Variants in RGS21 observed in about 807,000 individuals in gnomAD.
The protein encoded by RGS21 is regulator of G-protein signalling 21.
RGS21 carries 19 observed loss-of-function variants against 18.7 expected under a neutral mutation model. The observed-to-expected ratio is 1.01, with a 90% confidence interval of 0.71 to 1.49. The LOEUF is 1.49. Among genes scored for constraint, RGS21 ranks in the 40% most tolerant of loss-of-function variants. RGS21 has a pLI of 0.00. For missense variants in RGS21, 194 were observed against 176.8 expected (o/e 1.10, Z -0.55); for synonymous variants, 56 against 57.8 (o/e 0.97, Z 0.14).
intron 4 of RGS21, among the ~76,000 whole-genome samples, chr1:192,365,380 A>G (rs1402724296): frequency 1.3e-5 from 2 of 152,118 alleles, no homozygotes; most frequent in Non-Finnish European, 2.9e-5. Flanking sequence ...CAGGGAGATT[A>G]TATGTAGATA....
At chr1:192,322,676 C>G (rs973407126) in intron 1 of RGS21, among the ~76,000 whole-genome samples, 1 of 152,056 alleles carries the variant, frequency 6.6e-6, no homozygotes, top group African/African-American at 2.4e-5. Flanking sequence ...CTAGAGCACA[C>G]CACTCAAACA....
At chr1:192,318,404 C>T (rs1658448504) in intron 1 of RGS21, among the ~76,000 whole-genome samples, 1 of 152,126 alleles carries the variant, frequency 6.6e-6, no homozygotes, top group African/African-American at 2.4e-5. Context: ...CCCCATCAGA[C>T]TGCCTCTAAC....
At chr1:192,329,143 G>A (rs555160990) in intron 1 of RGS21, among the ~76,000 whole-genome samples, 10 of 152,070 alleles carry the variant, frequency 6.6e-5, no homozygotes, top group South Asian at 4.1e-4. Flanking sequence ...CAGATATTAC[G>A]TAGATTTTAG....
intron 2 of RGS21, among the ~76,000 whole-genome samples, chr1:192,344,325 T>C (rs910631106): frequency 1.3e-5 from 2 of 152,084 alleles, no homozygotes; most frequent in Non-Finnish European, 2.9e-5. Context: ...ATTTAAGAAG[T>C]ATGAAATAAC....
chr1:192,329,956 T>G (rs1235516200), intron 1 of RGS21, among the ~76,000 whole-genome samples: 1 of 152,126 alleles, frequency 6.6e-6, no homozygotes. Flanking sequence ...GGTGAAGAGC[T>G]CCCTAAAGGT....
At chr1:192,326,004 T>C (rs1436932429) in intron 1 of RGS21, among the ~76,000 whole-genome samples, 1 of 152,114 alleles carries the variant, frequency 6.6e-6, no homozygotes, top group Non-Finnish European at 1.5e-5. Flanking sequence ...TAGGAATGAT[T>C]TTAATTATTT....
chr1:192,357,222 A>T (rs930499936), intron 4 of RGS21, among the ~76,000 whole-genome samples: 1 of 151,808 alleles, frequency 6.6e-6, no homozygotes, highest in Non-Finnish European at 1.5e-5. Context: ...AGAGAGAAGG[A>T]TAGGAGAGGA....
At chr1:192,333,128 G>T (rs935156391) in intron 1 of RGS21, among the ~76,000 whole-genome samples, 3 of 151,976 alleles carry the variant, frequency 2.0e-5, no homozygotes, top group South Asian at 2.1e-4. Flanking sequence ...TATCACTGCC[G>T]ATCTAGGTAA....
chr1:192,365,948 C>T lies in RGS21; in HGVS notation c.283C>T (p.Leu95Phe). The change falls in exon 5 of 5, where the codon CTC becomes TTC. Residue 95 changes from leucine to phenylalanine, a missense_variant. Coordinates refer to ENST00000417209, the MANE Select transcript of RGS21 (RefSeq NM_001039152.3). ...EINIDFGTRDLISKNIAEPTL... is the reference protein window; with the variant it reads ...EINIDFGTRDFISKNIAEPTL... ...TAACATTGACTTCGGTACCAGAGAC[C>T]TCATCTCAAAGAATATTGCTGAACC... 2 of 1,607,932 alleles carry T rather than the reference C, an allele frequency of 1.2e-6. No homozygotes were observed. The highest frequency in any genetic ancestry group is 2.2e-5 in the East Asian group (1 of 44,710).
intron 1 of RGS21, among the ~76,000 whole-genome samples, chr1:192,332,959 A>T (rs1658680533): frequency 6.6e-6 from 1 of 152,108 alleles, no homozygotes; most frequent in East Asian, 1.9e-4. Context: ...AATAAAAAAA[A>T]ACCTCAACTG....
At chr1:192,342,117 A>C (rs570586996) in intron 1 of RGS21, among the ~76,000 whole-genome samples, 1 of 151,936 alleles carries the variant, frequency 6.6e-6, no homozygotes, top group Non-Finnish European at 1.5e-5. Flanking sequence ...GGAGAAGAAC[A>C]TTTTTTACCT....
At chr1:192,350,819 G>C (rs1346381879) in intron 3 of RGS21, among the ~76,000 whole-genome samples, 1 of 152,010 alleles carries the variant, frequency 6.6e-6, no homozygotes, top group Non-Finnish European at 1.5e-5. Flanking sequence ...ATAAGCTCTG[G>C]GTATGCCAAA....
Position 192,357,953 on chromosome 1 carries a change from G to T in RGS21, c.255+5740G>T, listed in dbSNP as rs143603365. ...CTGCATTTCAACTCAAAAACAAAAG[G>T]CTCAGGTGTTCTTTACACTTCTGTG... On this transcript the variant is annotated intron_variant, in intron 4 of 4. Coordinates refer to ENST00000417209, the MANE Select transcript of RGS21 (RefSeq NM_001039152.3). Among the ~76,000 whole-genome samples, 309 of 152,078 alleles carry T rather than the reference G, an allele frequency of 2.0e-3. 1 individual carries two copies. The highest frequency in any genetic ancestry group is 7.2e-3 in the African/African-American group (298 of 41,536).
At chr1:192,327,037 T>C (rs1193407039) in intron 1 of RGS21, among the ~76,000 whole-genome samples, 5 of 152,176 alleles carry the variant, frequency 3.3e-5, no homozygotes, top group Non-Finnish European at 7.3e-5. Flanking sequence ...CGATGAGTCC[T>C]AGAGAAGTCA....
At chr1:192,349,544 T>A (rs1289980464) in intron 3 of RGS21, among the ~76,000 whole-genome samples, 1 of 152,162 alleles carries the variant, frequency 6.6e-6, no homozygotes, top group Admixed American at 6.6e-5. Flanking sequence ...TTCCATTCTA[T>A]GGAGAGTGCC....
chr1:192,338,308 C>T lies in RGS21; in HGVS notation c.-60-4669C>T, dbSNP rs546300822. Among the ~76,000 whole-genome samples, 232 of 152,198 alleles carry T rather than the reference C, an allele frequency of 1.5e-3. 1 individual carries two copies. The highest frequency in any genetic ancestry group is 5.4e-3 in the African/African-American group (223 of 41,566). On this transcript the variant is annotated intron_variant, in intron 1 of 4. Transcript: ENST00000417209. ...CAGAATCAAGAAAATATAATTTTCTCTTCCCATTTGTTTATGAAAAGAAAA... is the reference window on the plus strand; with the variant it reads ...CAGAATCAAGAAAATATAATTTTCTTTTCCCATTTGTTTATGAAAAGAAAA...
chr1:192,357,979 T>C (rs1295162424), intron 4 of RGS21, among the ~76,000 whole-genome samples: 2 of 152,046 alleles, frequency 1.3e-5, no homozygotes, highest in Non-Finnish European at 2.9e-5. Context: ...CACTTCTGTG[T>C]CTCTGTGCCA....
chr1:192,323,362 G>C lies in RGS21; in HGVS notation c.-61+6257G>C, dbSNP rs112519319. Among the ~76,000 whole-genome samples, 805 of 152,268 alleles carry C rather than the reference G, an allele frequency of 5.3e-3. 4 individuals carry two copies. The highest frequency in any genetic ancestry group is 8.8e-3 in the Admixed American group (135 of 15,262). Reference sequence around the variant, plus strand: ...GTTGCATTATGGAGTATGGCCTTTAGAAAGGAAAGAGAAGTTGCCAGGTGA... The same window carrying C: ...GTTGCATTATGGAGTATGGCCTTTACAAAGGAAAGAGAAGTTGCCAGGTGA... On this transcript the variant is annotated intron_variant, in intron 1 of 4. Transcript: ENST00000417209.
At chr1:192,364,091 T>C (rs888570613) in intron 4 of RGS21, among the ~76,000 whole-genome samples, 7 of 152,100 alleles carry the variant, frequency 4.6e-5, no homozygotes, top group Non-Finnish European at 1.0e-4. Flanking sequence ...CTCAGAAATA[T>C]TAAGCTAACT....
Sources: gnomAD v4.1 joint callset for allele counts (sites outside exome capture counted in the v4.1 genomes callset) on GRCh38, gnomAD v4.1.1 for gene constraint, MANE v1.5 for transcripts, NCBI Gene and HGNC (gene_info 2026-07-23, HGNC 2026-07-21) for gene names.